CSMD1: variants seen among roughly 807,000 people sequenced by gnomAD.
CSMD1 encodes CUB and sushi domain-containing protein 1.
CSMD1 carries 213 observed loss-of-function variants against 417.5 expected under a neutral mutation model. That is an observed-to-expected ratio of 0.51 (90% CI 0.46 to 0.57). CSMD1 has a LOEUF of 0.57. Among genes scored for constraint, CSMD1 ranks in the 20% least tolerant of loss-of-function variants. The pLI, the probability that CSMD1 is intolerant of heterozygous loss-of-function variation, is 0.00. For missense variants in CSMD1, 6,923 were observed against 4,529.7 expected (o/e 1.53, Z -15.17); for synonymous variants, 2,862 against 1,736.8 (o/e 1.65, Z -16.11).
At chr8:4,196,830 G>C (rs1257782864) in intron 3 of CSMD1, among the ~76,000 whole-genome samples, 2 of 152,038 alleles carry the variant, frequency 1.3e-5, no homozygotes, top group African/African-American at 4.8e-5. Flanking sequence ...AACACACTGG[G>C]GGTGATATTT....
At chr8:2,943,163 T>A (rs911138990) in intron 68 of CSMD1, among the ~76,000 whole-genome samples, 2 of 152,172 alleles carry the variant, frequency 1.3e-5, no homozygotes, top group Non-Finnish European at 2.9e-5. Context: ...AATGTCACAA[T>A]GCAAGTTTCC....
intron 12 of CSMD1, among the ~76,000 whole-genome samples, chr8:3,410,943 G>A (rs1289909238): frequency 6.6e-6 from 1 of 152,136 alleles, no homozygotes; most frequent in Non-Finnish European, 1.5e-5. Flanking sequence ...AGGAGGCAGT[G>A]AAGAAAATGC....
At chr8:4,701,133 C>T (rs757237316) in intron 1 of CSMD1, among the ~76,000 whole-genome samples, 1 of 151,938 alleles carries the variant, frequency 6.6e-6, no homozygotes, top group South Asian at 2.1e-4. Flanking sequence ...TTCAAAAATT[C>T]GTTTTTTACA....
intron 23 of CSMD1, among the ~76,000 whole-genome samples, chr8:3,339,011 G>A (rs1182228128): frequency 8.8e-6 from 1 of 114,120 alleles, no homozygotes; most frequent in African/African-American, 3.5e-5. Flanking sequence ...ACAGTCCCCT[G>A]AGTGTGATAT....
At chr8:4,091,198 C>A (rs952194712) in intron 3 of CSMD1, among the ~76,000 whole-genome samples, 1 of 151,926 alleles carries the variant, frequency 6.6e-6, no homozygotes, top group African/African-American at 2.4e-5. Context: ...GGATTACGGG[C>A]TTGAACCACC....
chr8:3,061,937 A>G (rs13248505), intron 49 of CSMD1, among the ~76,000 whole-genome samples: 33,210 of 151,966 alleles, frequency 0.22, 3,893 homozygotes, highest in Non-Finnish European at 0.26. Flanking sequence ...GTCAGATATC[A>G]GAGTAGCTGA....
intron 6 of CSMD1, among the ~76,000 whole-genome samples, chr8:3,744,538 C>A (rs1284857745): frequency 6.6e-6 from 1 of 152,084 alleles, no homozygotes; most frequent in African/African-American, 2.4e-5. Flanking sequence ...AGATTCGTTT[C>A]TTTATTTTCA....
chr8:3,245,318 A>C (rs1799805459), intron 26 of CSMD1, among the ~76,000 whole-genome samples: 3 of 152,140 alleles, frequency 2.0e-5, no homozygotes, highest in Non-Finnish European at 4.4e-5. Flanking sequence ...GGTCCCAGTC[A>C]CTAGGAGCCT....
At chr8:3,475,340 CAT>C (rs1383024138) in intron 11 of CSMD1, among the ~76,000 whole-genome samples, 4 of 152,136 alleles carry the variant, frequency 2.6e-5, no homozygotes, top group African/African-American at 9.7e-5. Context: ...TAGTAAATAA[CAT>C]AAACATTTTT....
chr8:3,455,579 C>G (rs557356983), intron 12 of CSMD1, among the ~76,000 whole-genome samples: 1 of 152,212 alleles, frequency 6.6e-6, no homozygotes, highest in Non-Finnish European at 1.5e-5. Flanking sequence ...GAGGTCCACT[C>G]CAGACCTTGT....
At chr8:3,616,634 T>G (rs2117168734) in intron 8 of CSMD1, 76 bp downstream of exon 8, 1 of 951,374 alleles carries the variant, frequency 1.1e-6, no homozygotes, top group East Asian at 2.6e-5. Context: ...ACAAAAGAGT[T>G]AAATTTAACT....
chr8:4,705,551 G>C (rs543092793), intron 1 of CSMD1, among the ~76,000 whole-genome samples: 1 of 152,050 alleles, frequency 6.6e-6, no homozygotes, highest in African/African-American at 2.4e-5. Flanking sequence ...ATTCTACTAC[G>C]GCATATTTCT....
intron 5 of CSMD1, among the ~76,000 whole-genome samples, chr8:3,795,016 C>A (rs796537801): frequency 8.8e-6 from 1 of 113,176 alleles, no homozygotes; most frequent in African/African-American, 2.8e-5. Context: ...AAATACATAT[C>A]TATCATATAT....
chr8:4,078,933 ATATATATATGTATG>A (rs1799979470), intron 3 of CSMD1, among the ~76,000 whole-genome samples: 1 of 25,324 alleles, frequency 3.9e-5, no homozygotes, highest in African/African-American at 8.5e-5. Flanking sequence ...ATATATATAT[ATATATATATGTATG>A]TTGAAAAGCT....
chr8:3,324,945 T>A (rs1806428365), intron 23 of CSMD1, among the ~76,000 whole-genome samples: 2 of 152,178 alleles, frequency 1.3e-5, no homozygotes, highest in African/African-American at 4.8e-5. Context: ...TATTTTCATA[T>A]CAGTGTTTTC....
chr8:4,119,654 A>G (rs1407791563), intron 3 of CSMD1, among the ~76,000 whole-genome samples: 1 of 152,156 alleles, frequency 6.6e-6, no homozygotes, highest in Non-Finnish European at 1.5e-5. Context: ...GGAAGCACAC[A>G]AGCACACACT....
intron 3 of CSMD1, among the ~76,000 whole-genome samples, chr8:4,108,108 G>A (rs879488925): frequency 5.3e-5 from 8 of 151,196 alleles, no homozygotes; most frequent in African/African-American, 1.7e-4. Flanking sequence ...AGAAAAAGAC[G>A]GAGGAGGAGG....
intron 3 of CSMD1, among the ~76,000 whole-genome samples, chr8:4,085,116 C>A (rs116129089): frequency 6.6e-6 from 1 of 152,140 alleles, no homozygotes; most frequent in African/African-American, 2.4e-5. Flanking sequence ...ACCAGTTGGA[C>A]AACCCTGAGG....
chr8:4,551,984 G>T (rs1235592267), intron 2 of CSMD1, among the ~76,000 whole-genome samples: 1 of 151,784 alleles, frequency 6.6e-6, no homozygotes, highest in African/African-American at 2.4e-5. Context: ...ACTGCTCCTA[G>T]CTGGTCACAT....
Sources: gnomAD v4.1 joint callset for allele counts (sites outside exome capture counted in the v4.1 genomes callset) on GRCh38, gnomAD v4.1.1 for gene constraint, MANE v1.5 for transcripts, NCBI Gene and HGNC (gene_info 2026-07-23, HGNC 2026-07-21) for gene names.